Variants in CASKIN2 observed in about 807,000 individuals in gnomAD.
CASKIN2 encodes caskin-2.
Under a neutral mutation model 107.1 loss-of-function variants are expected in CASKIN2, and 41 were observed. That is an observed-to-expected ratio of 0.38 (90% CI 0.30 to 0.50). The LOEUF is 0.50. Ranked by LOEUF, CASKIN2 falls within the 20% of genes least tolerant of loss-of-function variation. CASKIN2 has a pLI of 0.92. For missense variants in CASKIN2, 1,546 were observed against 1,657.4 expected (o/e 0.93, Z 1.17); for synonymous variants, 724 against 705.6 (o/e 1.03, Z -0.41).
Position 75,501,142 on chromosome 17 carries a change from G to C in CASKIN2, c.3547C>G (p.Leu1183Val). 1.3e-6 allele frequency: 2 copies of C among 1,593,188 alleles called. No homozygotes were observed. Among genetic ancestry groups the C allele is most frequent in the Non-Finnish European group, 1.7e-6 (2 of 1,169,888 alleles). Reference protein sequence around the residue: ...GTPSASTKHILDDISTMFDAL... With the variant: ...GTPSASTKHIVDDISTMFDAL... ...TCGAACATGGTGCTGATGTCATCCA[G>C]AATGTGCTTGGTGGAGGCGCTGGGG... The change falls in exon 20 of 20, where the codon CTG becomes GTG. Residue 1183 changes from leucine (L) to valine (V), a missense_variant. Transcript: ENST00000321617.
rs758777049 is a variant in CASKIN2, at chr17:75,505,093, G to A, written c.931-20C>T. ...TAGCACCTGCGGCCAGGGGTGGGGG[G>A]CGGGGACGGTCACTCCCAGCACCAG... On this transcript the variant is annotated intron_variant, in intron 10 of 19. Transcript: ENST00000321617. The surrounding 1 kb of genome is among the most constrained non-coding windows in gnomAD (Gnocchi z 5.1). 18 of 1,199,012 alleles carry A rather than the reference G, an allele frequency of 1.5e-5. No homozygotes were observed. The highest frequency in any genetic ancestry group is 1.9e-5 in the Admixed American group (1 of 54,052). 74.3% of individuals were successfully genotyped at this position (1,199,012 alleles called of 1,614,324 possible). A position where few individuals can be genotyped will look rare whatever the true frequency, so the allele number is the denominator to read the frequency against.
At position 75,505,512 on chromosome 17, in the gene CASKIN2, C is replaced by T. The variant is rs200225206; in HGVS notation, c.930+45G>A. On this transcript the variant is annotated intron_variant, in intron 10 of 19. Transcript: ENST00000321617. This position sits in a 1 kb window ranked among gnomAD's most constrained non-coding sequence, Gnocchi z 5.1. ...TAGCAGGTGCCCAAATAAGTAACAG[C>T]AATCATTTGTATTTGCAAAGGAATG... The T allele has an allele frequency of 6.4e-7, 1 of 1,573,296 alleles. No homozygotes were observed. The highest frequency in any genetic ancestry group is 1.3e-5 in the African/African-American group (1 of 74,136).
intron 16 of CASKIN2, 32 bp downstream of exon 16, chr17:75,503,627 G>GC: frequency 6.2e-7 from 1 of 1,608,432 alleles, no homozygotes; most frequent in East Asian, 2.2e-5. Context: ...GACAGCACGT[G>GC]CCCCACTCCC....
rs370206722 is a variant in CASKIN2, at chr17:75,503,306, G to A, written c.1820-52C>T. 7.6e-6 allele frequency: 12 copies of A among 1,573,626 alleles called. No individual in the cohort carries two copies. In the East Asian group the frequency reaches 2.3e-4, roughly 30 times the overall value. On this transcript the variant is annotated intron_variant, in intron 17 of 19. Coordinates refer to ENST00000321617, the MANE Select transcript of CASKIN2 (RefSeq NM_020753.5). ...GTTAGCTGGGGCTGGGGTTGTCCTG[G>A]TCACCGCTGGGCCCCATACTGTCTT...
chr17:75,507,548 C>A (rs760446026), intron 4 of CASKIN2, 36 bp downstream of exon 4: 80 of 1,542,902 alleles, frequency 5.2e-5, no homozygotes, highest in Middle Eastern at 1.9e-4. Context: ...CCCCTACCTG[C>A]CCAGGGTGGG....
Position 75,502,076 on chromosome 17 carries a change from C to T in CASKIN2, c.2998G>A (p.Glu1000Lys). 2.5e-6 allele frequency: 4 copies of T among 1,611,628 alleles called. No individual in the cohort carries two copies. Among genetic ancestry groups the T allele is most frequent in the Non-Finnish European group, 3.4e-6 (4 of 1,179,910 alleles). Residue 1000 changes from glutamate to lysine, a missense_variant, in exon 18 of 20, where the codon GAG (glutamate) becomes AAG (lysine). Glu to Lys is a moderately conservative substitution (Grantham distance 56). Coordinates refer to ENST00000321617, the MANE Select transcript of CASKIN2 (RefSeq NM_020753.5). The surrounding 1 kb of genome is among the most constrained non-coding windows in gnomAD (Gnocchi z 4.3). ...VKRRPKCRER[E>K]PLQTALLAFG... Reference sequence around the variant, plus strand: ...GCCAGCAGTGCGGTCTGCAGTGGCTCTCTCTCCCGGCACTTGGGCCTCCGC... The same window carrying T: ...GCCAGCAGTGCGGTCTGCAGTGGCTTTCTCTCCCGGCACTTGGGCCTCCGC...
chr17:75,512,271 C>G (rs1162183101), intron 2 of CASKIN2, among the ~76,000 whole-genome samples: 1 of 152,234 alleles, frequency 6.6e-6, no homozygotes, highest in African/African-American at 2.4e-5. Flanking sequence ...CCTCCTGCCT[C>G]AGTCTGGTGG....
rs935740663 is a variant in CASKIN2 at position 75,501,228 on chromosome 17, T to G, written c.3519-58A>C. 3 of 1,460,170 alleles carry G rather than the reference T, an allele frequency of 2.1e-6. No individual in the cohort carries two copies. The African/African-American group carries it at 4.2e-5, about 20-fold the overall frequency. The allele number at this position is 1,460,170 out of a possible 1,614,324, so 90.5% of individuals were successfully genotyped here. A position where few individuals can be genotyped will look rare whatever the true frequency, so the allele number is the denominator to read the frequency against. On this transcript the variant is annotated intron_variant, in intron 19 of 19. Coordinates refer to ENST00000321617, the MANE Select transcript of CASKIN2 (RefSeq NM_020753.5). ...CCAGTGGCCTGCACCCCACTGGCCCTGGGGCAGGGAGCTGTCATAGCTCCC... is the reference window on the plus strand; with the variant it reads ...CCAGTGGCCTGCACCCCACTGGCCCGGGGGCAGGGAGCTGTCATAGCTCCC...
At chr17:75,510,374 A>T (rs890052502) in intron 2 of CASKIN2, among the ~76,000 whole-genome samples, 1 of 152,006 alleles carries the variant, frequency 6.6e-6, no homozygotes, top group African/African-American at 2.4e-5. Context: ...GATAGCTATA[A>T]AGCGCCAGCT....
chr17:75,506,156 C>G lies in CASKIN2; in HGVS notation c.726+149G>C. The G allele has an allele frequency of 4.0e-6, 3 of 747,978 alleles. No homozygotes were observed. The highest frequency in any genetic ancestry group is 4.3e-6 in the Non-Finnish European group (2 of 462,638). 46.3% of individuals were successfully genotyped at this position (747,978 alleles called of 1,614,324 possible). Reference sequence around the variant, plus strand: ...TGCCCCCGATCCATCTGCACCGCCTCGGCACCATTCAGAAGGAAGTCAGGC... The same window carrying G: ...TGCCCCCGATCCATCTGCACCGCCTGGGCACCATTCAGAAGGAAGTCAGGC... On this transcript the variant is annotated intron_variant, in intron 8 of 19. Transcript: ENST00000321617. The surrounding 1 kb of genome is among the most constrained non-coding windows in gnomAD (Gnocchi z 4.8).
In CASKIN2 at chr17:75,502,918, G is replaced by A. The variant is rs771628269; in HGVS notation, c.2156C>T (p.Pro719Leu). 2 of 1,560,922 alleles carry A rather than the reference G, an allele frequency of 1.3e-6. No homozygotes were observed. The highest frequency in any genetic ancestry group is 2.4e-5 in the South Asian group (2 of 82,398). ...GHSQEQPAPQ[P>L]SGGDPSPPQE... Reference sequence around the variant, plus strand: ...GGGGGGGCTGGGATCTCCACCGCTGGGCTGTGGGGCAGGCTGTTCCTGTGA... The same window carrying A: ...GGGGGGGCTGGGATCTCCACCGCTGAGCTGTGGGGCAGGCTGTTCCTGTGA... The change falls in exon 18 of 20, where the codon CCC (proline) becomes CTC (leucine). Residue 719 changes from proline (P) to leucine (L), a missense_variant. Pro to Leu is a moderately conservative substitution (Grantham distance 98). Around this residue, in one of 6 missense-constraint regions of CASKIN2, gnomAD observed 1,311 missense variants for 1,311.0 expected, o/e 1.00. Coordinates refer to ENST00000321617, the MANE Select transcript of CASKIN2 (RefSeq NM_020753.5). The surrounding 1 kb of genome is among the most constrained non-coding windows in gnomAD (Gnocchi z 4.3).
chr17:75,507,059 A>C lies in CASKIN2; in HGVS notation c.315T>G (p.Ser105=), dbSNP rs756075584. 1 of 1,612,414 alleles carries C rather than the reference A, an allele frequency of 6.2e-7. No homozygotes were observed. Among genetic ancestry groups the C allele is most frequent in the Non-Finnish European group, 8.5e-7 (1 of 1,179,812 alleles). ...LEPVRLLLRA[S]AAVNAASLDG... ...CCAGCGAGGCGGCATTGACAGCCGCAGAGGCGCGCAGCAGCAGCCTCACAG... is the reference window on the plus strand; with the variant it reads ...CCAGCGAGGCGGCATTGACAGCCGCCGAGGCGCGCAGCAGCAGCCTCACAG... Residue 105 remains serine, a synonymous_variant, in exon 5 of 20, where the codon TCT becomes TCG. Coordinates refer to ENST00000321617, the MANE Select transcript of CASKIN2 (RefSeq NM_020753.5).
intron 2 of CASKIN2, among the ~76,000 whole-genome samples, chr17:75,512,913 A>G (rs2053326507): frequency 6.8e-6 from 1 of 147,458 alleles, no homozygotes; most frequent in African/African-American, 2.5e-5. Flanking sequence ...AAAAAAAAAC[A>G]GCTATCTTAT....
chr17:75,501,164 G>A lies in CASKIN2; in HGVS notation c.3525C>T (p.Pro1175=), dbSNP rs753177757. The A allele has an allele frequency of 6.3e-7, 1 of 1,586,074 alleles. No homozygotes were observed. Among genetic ancestry groups the A allele is most frequent in the Non-Finnish European group, 8.6e-7 (1 of 1,166,178 alleles). The part of the protein sequence containing the change: ...SIGTKEQEGT[P]SASTKHILDD... ...CCAGAATGTGCTTGGTGGAGGCGCTGGGGGTGCTGCAGCAAGGGGAAGGAT... is the reference window on the plus strand; with the variant it reads ...CCAGAATGTGCTTGGTGGAGGCGCTAGGGGTGCTGCAGCAAGGGGAAGGAT... Residue 1175 remains proline, a synonymous_variant, in exon 20 of 20, where the codon CCC becomes CCT. Coordinates refer to ENST00000321617, the MANE Select transcript of CASKIN2 (RefSeq NM_020753.5).
At position 75,501,057 on chromosome 17, in the gene CASKIN2, C is replaced by G; in HGVS notation, c.*23G>C. 1 of 1,554,508 alleles carries G rather than the reference C, an allele frequency of 6.4e-7. No individual in the cohort carries two copies. ...GCAAAGGCAGTGGACTTCGGCAGGT[C>G]ACAGTGGGCACTGCTGGAGGGCTCA... is the stretch of plus-strand genomic sequence containing the variant. On this transcript the variant is annotated 3_prime_UTR_variant, in exon 20 of 20. Coordinates refer to ENST00000321617, the MANE Select transcript of CASKIN2 (RefSeq NM_020753.5).
chr17:75,507,741 G>C, intron 3 of CASKIN2, 60 bp from the exon 4 acceptor site: 2 of 1,317,234 alleles, frequency 1.5e-6, no homozygotes, highest in Non-Finnish European at 2.2e-6. Flanking sequence ...CCCAAATCCT[G>C]GTCTTCCATA....
At position 75,501,059 on chromosome 17, in the gene CASKIN2, C is replaced by T. The variant is rs1428498879; in HGVS notation, c.*21G>A. On this transcript the variant is annotated 3_prime_UTR_variant, in exon 20 of 20. Transcript: ENST00000321617. ...AAAGGCAGTGGACTTCGGCAGGTCA[C>T]AGTGGGCACTGCTGGAGGGCTCAGT... The T allele has an allele frequency of 1.9e-6, 3 of 1,556,290 alleles. No individual in the cohort carries two copies. Among genetic ancestry groups the T allele is most frequent in the East Asian group, 2.4e-5 (1 of 41,598 alleles).
At position 75,504,930 on chromosome 17, in the gene CASKIN2, G is replaced by C; in HGVS notation, c.1074C>G (p.Ser358=). 1 of 1,609,584 alleles carries C rather than the reference G, an allele frequency of 6.2e-7. No homozygotes were observed. Among genetic ancestry groups the C allele is most frequent in the Non-Finnish European group, 8.5e-7 (1 of 1,178,088 alleles). ...RVGIPAARLP[S]APTPLRPGFS... ...AGCCTGGGCGCAGGGGGGTGGGTGCGGAGGGGAGGCGGGCTGCAGGGATGC... is the reference window on the plus strand; with the variant it reads ...AGCCTGGGCGCAGGGGGGTGGGTGCCGAGGGGAGGCGGGCTGCAGGGATGC... Residue 358 remains serine (S), a synonymous_variant, in exon 11 of 20, where the codon TCC becomes TCG. Transcript: ENST00000321617.
intron 1 of CASKIN2, 23 bp downstream of exon 1, chr17:75,515,378 C>G (rs1402654161): frequency 6.6e-6 from 1 of 152,152 alleles, no homozygotes; most frequent in African/African-American, 2.4e-5. Context: ...CGCTGACCCC[C>G]AGCGCGGGCC....
Sources: gnomAD v4.1 joint callset for allele counts (sites outside exome capture counted in the v4.1 genomes callset) on GRCh38, gnomAD v4.1.1 for gene constraint, gnomAD v4.1.1 regional missense constraint, Gnocchi (gnomAD v3.1) non-coding constraint, MANE v1.5 for transcripts, NCBI Gene and HGNC (gene_info 2026-07-23, HGNC 2026-07-21) for gene names.